Variants in PILRB observed in about 807,000 individuals in gnomAD.
PILRB encodes paired immunoglobulin-like type 2 receptor beta.
A neutral mutation model predicts 20.5 loss-of-function variants in PILRB; 21 were observed. That is an observed-to-expected ratio of 1.02 (90% CI 0.72 to 1.47). The LOEUF (loss-of-function observed/expected upper bound fraction) is 1.47. Ranked by LOEUF, PILRB falls within the 40% of genes most tolerant of loss-of-function variation. The pLI, the probability that PILRB is intolerant of heterozygous loss-of-function variation, is 0.00. For synonymous variants in PILRB, 133 were observed against 115.1 expected (o/e 1.16, Z -0.99); for missense variants, 253 against 272.1 (o/e 0.93, Z 0.49).
rs756125034 is a variant in PILRB, at chr7:100,367,345, G to A, written c.656-4G>A. On this transcript the variant is annotated splice_region_variant and splice_polypyrimidine_tract_variant and intron_variant, in intron 3 of 3. Transcript: ENST00000609309. ...TGCATCTAAAAACACTTCCCCTCCT[G>A]CAGGTAGCAGGGCGCCAAGCAGTGA... 3.8e-6 allele frequency: 3 copies of A among 780,916 alleles called. No individual in the cohort carries two copies. In the South Asian group the frequency reaches 4.0e-5, roughly 10 times the overall value. The allele number at this position is 780,916 out of a possible 1,614,324, so 48.4% of individuals were successfully genotyped here.
intron 3 of PILRB, among the ~76,000 whole-genome samples, chr7:100,362,031 C>T (rs1285876257): frequency 6.6e-6 from 1 of 152,062 alleles, no homozygotes; most frequent in African/African-American, 2.4e-5. Flanking sequence ...ATCAGGAGAT[C>T]ACAGAAGGTC....
intron 3 of PILRB, among the ~76,000 whole-genome samples, chr7:100,366,663 G>A (rs1432769396): frequency 6.6e-6 from 1 of 152,090 alleles, no homozygotes; most frequent in Admixed American, 6.5e-5. Flanking sequence ...AAGGCTGGAG[G>A]GCAGACACAG....
intron 3 of PILRB, among the ~76,000 whole-genome samples, chr7:100,362,361 G>T (rs989460514): frequency 7.9e-5 from 12 of 152,128 alleles, no homozygotes; most frequent in Non-Finnish European, 1.6e-4. Flanking sequence ...AGGACTGTAC[G>T]CCATGACCAA....
chr7:100,358,570 G>A, intron 1 of PILRB, 120 bp from the exon 2 acceptor site: 1 of 1,381,398 alleles, frequency 7.2e-7, no homozygotes, highest in Non-Finnish European at 1.0e-6. Context: ...CCAGAGGTCA[G>A]TCCAGCCACC....
At position 100,366,351 on chromosome 7, in the gene PILRB, C is replaced by T. The variant is rs190465220; in HGVS notation, c.656-998C>T. Among the ~76,000 whole-genome samples the T allele has an allele frequency of 1.7e-3, 260 of 152,108 alleles. 1 individual carries two copies. Among genetic ancestry groups the T allele is most frequent in the Middle Eastern group, 0.01 (3 of 294 alleles). ...AGTCCCAACATTAAAAAACAAAAAA[C>T]CTGTAGAAGTGGAAGGGGAGGTCCC... On this transcript the variant is annotated intron_variant, in intron 3 of 3. Coordinates refer to ENST00000609309, the MANE Select transcript of PILRB (RefSeq NM_178238.4).
chr7:100,359,167 C>T lies in PILRB; in HGVS notation c.454+88C>T. ...TGTCTTCACATTTAAACCCAGTGGT[C>T]TGGATTGAGAGCTGTTAGCATTTCA... On this transcript the variant is annotated intron_variant, in intron 2 of 3. Transcript: ENST00000609309. The T allele has an allele frequency of 2.5e-6, 4 of 1,569,058 alleles. No homozygotes were observed. The South Asian group carries it at 3.4e-5, about 13-fold the overall frequency.
At chr7:100,362,993 A>G (rs1030207671) in intron 3 of PILRB, among the ~76,000 whole-genome samples, 1 of 152,074 alleles carries the variant, frequency 6.6e-6, no homozygotes, top group African/African-American at 2.4e-5. Flanking sequence ...ACTTCTATTC[A>G]ACACAGGATT....
In PILRB at chr7:100,358,302, C is replaced by T; in HGVS notation, c.-1C>T. 2.5e-6 allele frequency: 4 copies of T among 1,612,774 alleles called. No homozygotes were observed. The highest frequency in any genetic ancestry group is 3.4e-6 in the Non-Finnish European group (4 of 1,180,000). On this transcript the variant is annotated 5_prime_UTR_variant, in exon 1 of 4. Transcript: ENST00000609309. ...CCCGTCCCCTGGAGAAGAACAAGGCCATGGGTCGGCCCCTGCTGCTGCCCC... is the reference window on the plus strand; with the variant it reads ...CCCGTCCCCTGGAGAAGAACAAGGCTATGGGTCGGCCCCTGCTGCTGCCCC...
At chr7:100,361,478 G>A (rs1434471140) in intron 3 of PILRB, among the ~76,000 whole-genome samples, 1 of 152,086 alleles carries the variant, frequency 6.6e-6, no homozygotes, top group African/African-American at 2.4e-5. Context: ...GATCACCTGA[G>A]GTCAGGCGTT....
chr7:100,366,312 ATT>A (rs568284739), intron 3 of PILRB, among the ~76,000 whole-genome samples: 6 of 152,124 alleles, frequency 3.9e-5, no homozygotes, highest in Admixed American at 6.6e-5. Flanking sequence ...AGCAGTTAAT[ATT>A]TCAGAGTTCC....
chr7:100,359,495 G>T lies in PILRB; in HGVS notation c.613G>T (p.Gly205Ter). 6.2e-7 allele frequency: 1 copy of T among 1,611,580 alleles called. No individual in the cohort carries two copies. The highest frequency in any genetic ancestry group is 1.3e-5 in the African/African-American group (1 of 74,566). ...AVAVLKTVIL[G>*]LLCLLLLWWR... ...CGCTGTGCTCAAAACTGTCATTTTG[G>T]GACTGCTGTGCCTCCTCCTCCTGTG... The change falls in exon 3 of 4, where the codon GGA becomes TGA. Residue 205 changes from glycine to a stop codon, truncating the protein, a stop_gained. Coordinates refer to ENST00000609309, the MANE Select transcript of PILRB (RefSeq NM_178238.4). LOFTEE classifies it low-confidence loss of function (END_TRUNC).
At chr7:100,363,820 C>T (rs1375641842) in intron 3 of PILRB, among the ~76,000 whole-genome samples, 1 of 151,982 alleles carries the variant, frequency 6.6e-6, no homozygotes, top group Non-Finnish European at 1.5e-5. Flanking sequence ...GAAATAAAGA[C>T]ATAAATAGGC....
rs1790446632 is a variant in PILRB at position 100,358,938 on chromosome 7, C to T, written c.313C>T (p.Gln105Ter). 1.2e-6 allele frequency: 2 copies of T among 1,614,036 alleles called. No individual in the cohort carries two copies. Residue 105 changes from glutamine (Q) to a stop codon, truncating the protein, a stop_gained, in exon 2 of 4, where the codon CAG becomes TAG. Transcript: ENST00000609309. LOFTEE classifies it high-confidence loss of function. The part of the protein sequence containing the change: ...NRLFLNWTEG[Q>*]ESGFLRISNL... ...GCTCTTTCTGAACTGGACAGAGGGT[C>T]AGGAGAGCGGCTTCCTCAGGATCTC... is the stretch of plus-strand genomic sequence containing the variant.
Position 100,367,815 on chromosome 7 carries a change from G to A in PILRB, c.*438G>A, listed in dbSNP as rs149702918. 2.0e-3 allele frequency: 339 copies of A among 166,704 alleles called. 2 individuals are homozygous for A. Among genetic ancestry groups the A allele is most frequent in the African/African-American group, 7.7e-3 (323 of 41,932 alleles). The allele number at this position is 166,704 out of a possible 1,614,324, so 10.3% of individuals were successfully genotyped here. On this transcript the variant is annotated 3_prime_UTR_variant, in exon 4 of 4. Transcript: ENST00000609309. ...CAGAAGGTTTTGGGGAATAAATAGC[G>A]TGAAATGCTGCTGACACTTCCCTGT...
chr7:100,363,560 G>A (rs1416654003), intron 3 of PILRB, among the ~76,000 whole-genome samples: 2 of 152,284 alleles, frequency 1.3e-5, no homozygotes, highest in Non-Finnish European at 1.5e-5. Flanking sequence ...ATTCTTGTTC[G>A]TGGAGTGGAA....
rs766035493 is a variant in PILRB, at chr7:100,359,408, A to G, written c.526A>G (p.Lys176Glu). 1 of 1,614,202 alleles carries G rather than the reference A, an allele frequency of 6.2e-7. No individual in the cohort carries two copies. Among genetic ancestry groups the G allele is most frequent in the South Asian group, 1.1e-5 (1 of 91,088 alleles). ...TIAGLRVTES[K>E]GHSESWHLSL... ...AGCCGGCCTCAGGGTCACAGAAAGC[A>G]AAGGGCACTCAGAATCATGGCACCT... Residue 176 changes from lysine (K) to glutamate (E), a missense_variant, in exon 3 of 4, where the codon AAA (lysine) becomes GAA (glutamate). Physicochemically the swap from Lys to Glu is moderately conservative, Grantham distance 56. Transcript: ENST00000609309.
chr7:100,361,798 G>C (rs945031222), intron 3 of PILRB, among the ~76,000 whole-genome samples: 4 of 152,176 alleles, frequency 2.6e-5, no homozygotes, highest in African/African-American at 4.8e-5. Context: ...GTCAGATCCT[G>C]CCCTCACAAC....
rs756516608 is a variant in PILRB, at chr7:100,359,069, C to A, written c.444C>A (p.Thr148=). The A allele has an allele frequency of 6.2e-7, 1 of 1,614,004 alleles. No individual in the cohort carries two copies. The highest frequency in any genetic ancestry group is 1.3e-5 in the African/African-American group (1 of 74,916). ...QLQSIKGTKL[T]ITQAVTTTTT... The stretch of plus-strand genomic sequence containing the variant: ...AGTCCATCAAGGGGACCAAACTCAC[C>A]ATCACCCAGGGTGAGTCCAGCTGCC... Residue 148 remains threonine, a synonymous_variant, in exon 2 of 4, where the codon ACC becomes ACA. Coordinates refer to ENST00000609309, the MANE Select transcript of PILRB (RefSeq NM_178238.4).
chr7:100,367,662 T>G lies in PILRB; in HGVS notation c.*285T>G. The G allele has an allele frequency of 2.1e-6, 1 of 466,610 alleles. No homozygotes were observed. Among genetic ancestry groups the G allele is most frequent in the Non-Finnish European group, 3.8e-6 (1 of 260,504 alleles). 28.9% of individuals were successfully genotyped at this position (466,610 alleles called of 1,614,324 possible). A position where few individuals can be genotyped will look rare whatever the true frequency, so the allele number is the denominator to read the frequency against. ...AAACCACTGGCATTTGGGGGCTGTT[T>G]ATTATAGCAGTGCAAAGAGTTCCTT... On this transcript the variant is annotated 3_prime_UTR_variant, in exon 4 of 4. Coordinates refer to ENST00000609309, the MANE Select transcript of PILRB (RefSeq NM_178238.4).
Sources: gnomAD v4.1 joint callset for allele counts (sites outside exome capture counted in the v4.1 genomes callset) on GRCh38, gnomAD v4.1.1 for gene constraint, MANE v1.5 for transcripts, NCBI Gene and HGNC (gene_info 2026-07-23, HGNC 2026-07-21) for gene names.